Variants in LRRC7 observed in about 807,000 individuals in gnomAD.
LRRC7 encodes the protein leucine rich repeat containing 7.
LRRC7 carries 23 observed loss-of-function variants against 175.7 expected under a neutral mutation model. That is an observed-to-expected ratio of 0.13 (90% CI 0.09 to 0.19). The LOEUF is 0.19. Ranked by LOEUF, LRRC7 falls within the 10% of genes least tolerant of loss-of-function variation. The probability of loss-of-function intolerance (pLI) is 1.00; values close to 1 mark genes in which losing one functional copy is unlikely to be tolerated. For missense variants in LRRC7, 1,354 were observed against 1,904.7 expected, an observed-to-expected ratio of 0.71 and a Z score of 5.38; for synonymous variants, 685 against 680.9, an observed-to-expected ratio of 1.01 and a Z score of -0.09.
intron 11 of LRRC7, among the ~76,000 whole-genome samples, chr1:70,006,007 C>T (rs1249487447): frequency 6.6e-6 from 1 of 150,968 alleles, no homozygotes; most frequent in East Asian, 1.9e-4. Flanking sequence ...CACTTCATTA[C>T]AAATGTCAGT....
rs1296065821 is a variant in LRRC7, at chr1:69,852,861, A to C, written c.647+14578A>C. Among the ~76,000 whole-genome samples, 4 of 152,212 alleles carry C rather than the reference A, an allele frequency of 2.6e-5. No homozygotes were observed. In the East Asian group the frequency reaches 5.8e-4, roughly 22 times the overall value. ...TGTGTTCTAAAGAAAGAAATGATGAAGAAGTTACAGTGTATTGTAAGGCAA... is the reference window on the plus strand; with the variant it reads ...TGTGTTCTAAAGAAAGAAATGATGACGAAGTTACAGTGTATTGTAAGGCAA... On this transcript the variant is annotated intron_variant, in intron 7 of 26. Transcript: ENST00000651989.
chr1:70,065,971 C>A (rs1202706806), intron 23 of LRRC7, among the ~76,000 whole-genome samples: 1 of 151,938 alleles, frequency 6.6e-6, no homozygotes, highest in East Asian at 1.9e-4. Context: ...AGTTAGTTGG[C>A]AAAACTTTCA....
intron 1 of LRRC7, among the ~76,000 whole-genome samples, chr1:69,573,966 A>C (rs1375874728): frequency 1.3e-5 from 2 of 152,106 alleles, no homozygotes; most frequent in Non-Finnish European, 2.9e-5. Context: ...CAGTTTCTTC[A>C]GTTGTGCCAG....
At chr1:69,609,626 TG>T (rs1457868260) in intron 1 of LRRC7, among the ~76,000 whole-genome samples, 3 of 152,082 alleles carry the variant, frequency 2.0e-5, no homozygotes, top group Non-Finnish European at 4.4e-5. Context: ...GGTGCTCAGC[TG>T]GTACATAGAA....
At chr1:69,592,341 C>A (rs1037121234) in intron 1 of LRRC7, among the ~76,000 whole-genome samples, 3 of 152,014 alleles carry the variant, frequency 2.0e-5, no homozygotes, top group Non-Finnish European at 4.4e-5. Flanking sequence ...ATCTGCCTCT[C>A]AAATTCAGGC....
At chr1:70,006,588 C>A (rs905981515) in intron 11 of LRRC7, among the ~76,000 whole-genome samples, 1 of 152,144 alleles carries the variant, frequency 6.6e-6, no homozygotes, top group Non-Finnish European at 1.5e-5. Context: ...CCACACCAAG[C>A]AACTTTGCAG....
intron 1 of LRRC7, among the ~76,000 whole-genome samples, chr1:69,609,607 A>T (rs1021387993): frequency 2.6e-5 from 4 of 152,058 alleles, no homozygotes; most frequent in African/African-American, 9.7e-5. Context: ...TGAGTTTAAT[A>T]TATGTGATGG....
At chr1:69,912,575 T>C (rs1471683986) in intron 7 of LRRC7, among the ~76,000 whole-genome samples, 1 of 152,192 alleles carries the variant, frequency 6.6e-6, no homozygotes, top group Non-Finnish European at 1.5e-5. Flanking sequence ...AATGTCATTG[T>C]TCTTGCTTAT....
chr1:69,645,277 T>C (rs531764380), intron 1 of LRRC7, among the ~76,000 whole-genome samples: 8 of 152,176 alleles, frequency 5.3e-5, no homozygotes, highest in African/African-American at 1.4e-4. Flanking sequence ...AAGTTCAATA[T>C]AAAATAATCA....
intron 4 of LRRC7, among the ~76,000 whole-genome samples, chr1:69,806,122 TGAAC>T (rs1378008189): frequency 6.6e-6 from 1 of 151,956 alleles, no homozygotes; most frequent in Non-Finnish European, 1.5e-5. Flanking sequence ...AAAACAAGAA[TGAAC>T]GTTACCTTGT....
At position 69,705,225 on chromosome 1, in the gene LRRC7, T is replaced by C. The variant is rs1018294319; in HGVS notation, c.100+26747T>C. Among the ~76,000 whole-genome samples the C allele has an allele frequency of 2.0e-5, 3 of 152,270 alleles. No individual in the cohort carries two copies. The East Asian group carries it at 5.8e-4, about 29-fold the overall frequency. On this transcript the variant is annotated intron_variant, in intron 2 of 26. Coordinates refer to ENST00000651989, the MANE Select transcript of LRRC7 (RefSeq NM_001370785.2). The stretch of plus-strand genomic sequence containing the variant: ...TCACTACAATTACTTGGCTCCATAT[T>C]GGCTAGGGCTCTGCTCTACCTTCTC...
chr1:69,574,619 T>C (rs895315907), intron 1 of LRRC7, among the ~76,000 whole-genome samples: 1 of 152,156 alleles, frequency 6.6e-6, no homozygotes, highest in Non-Finnish European at 1.5e-5. Flanking sequence ...ATGTCACAGA[T>C]GGCGTAACTA....
At chr1:69,996,653 G>C (rs1570953626) in intron 11 of LRRC7, among the ~76,000 whole-genome samples, 1 of 151,976 alleles carries the variant, frequency 6.6e-6, no homozygotes, top group Non-Finnish European at 1.5e-5. Flanking sequence ...TATTAAATAG[G>C]GAATCCTTTC....
rs761403826 is a variant in LRRC7 at position 70,039,268 on chromosome 1, G to A, written c.3444G>A (p.Ala1148=). ...AGTTCGCAAGCCAAGGGGCCAGGGCGGGCTTCCTGAGAAGGGCCGACTCCC... is the reference window on the plus strand; with the variant it reads ...AGTTCGCAAGCCAAGGGGCCAGGGCAGGCTTCCTGAGAAGGGCCGACTCCC... ...NAQFASQGAR[A]GFLRRADSLV... Residue 1148 remains alanine (A), a synonymous_variant, in exon 21 of 27, where the codon GCG becomes GCA. Transcript: ENST00000651989. The A allele has an allele frequency of 6.8e-6, 11 of 1,614,060 alleles. No homozygotes were observed. The highest frequency in any genetic ancestry group is 2.2e-5 in the East Asian group (1 of 44,874).
intron 1 of LRRC7, among the ~76,000 whole-genome samples, chr1:69,622,987 G>T (rs956274151): frequency 2.6e-5 from 4 of 152,108 alleles, no homozygotes; most frequent in African/African-American, 9.7e-5. Flanking sequence ...GTTTCCTCTG[G>T]ACAAGAACCA....
Position 70,143,436 on chromosome 1 carries a change from A to C in LRRC7, c.*21549A>C, listed in dbSNP as rs1370826451. The stretch of plus-strand genomic sequence containing the variant: ...GTCTTTGTGAACCTTTTAATGTGCA[A>C]TAGTAAACATTGACATTTTACATAG... On this transcript the variant is annotated 3_prime_UTR_variant, in exon 27 of 27. Transcript: ENST00000651989. 6.6e-6 allele frequency: 1 copy of C among 152,172 alleles called. No individual in the cohort carries two copies. 9.4% of individuals were successfully genotyped at this position (152,172 alleles called of 1,614,324 possible).
At chr1:69,914,173 T>A (rs1043765958) in intron 7 of LRRC7, among the ~76,000 whole-genome samples, 2 of 152,170 alleles carry the variant, frequency 1.3e-5, no homozygotes, top group African/African-American at 4.8e-5. Flanking sequence ...CTGGAATGCA[T>A]AAGTCCATGC....
chr1:69,995,108 G>T (rs948324625), intron 11 of LRRC7, among the ~76,000 whole-genome samples: 2 of 152,104 alleles, frequency 1.3e-5, no homozygotes, highest in Non-Finnish European at 2.9e-5. Context: ...AAAAGCATCT[G>T]CTTTAGCTAG....
At chr1:69,987,827 T>C (rs560490974) in intron 10 of LRRC7, among the ~76,000 whole-genome samples, 8 of 152,328 alleles carry the variant, frequency 5.3e-5, no homozygotes, top group African/African-American at 1.7e-4. Context: ...ACTTTTTATT[T>C]ACAAAATCCC....
Sources: gnomAD v4.1 joint callset for allele counts (sites outside exome capture counted in the v4.1 genomes callset) on GRCh38, gnomAD v4.1.1 for gene constraint, MANE v1.5 for transcripts, NCBI Gene and HGNC (gene_info 2026-07-23, HGNC 2026-07-21) for gene names.